The following TRDN variants were observed in gnomAD, a reference collection of about 807,000 sequenced individuals.
The protein encoded by TRDN is triadin in skeletal muscle.
Under a neutral mutation model 149.7 loss-of-function variants are expected in TRDN, and 161 were observed. The ratio of observed to expected loss-of-function variants is 1.08; its 90% CI spans 0.95 to 1.23. The LOEUF is 1.23. TRDN is among the 50% of genes most tolerant of loss of function. The probability of loss-of-function intolerance (pLI) is 0.00; values close to 1 mark genes in which losing one functional copy is unlikely to be tolerated. For missense variants in TRDN, 896 were observed against 823.5 expected (o/e 1.09, Z -1.08); for synonymous variants, 294 against 250.5 (o/e 1.17, Z -1.64).
chr6:123,623,064 G>A (rs895880368), intron 1 of TRDN, among the ~76,000 whole-genome samples: 1 of 152,024 alleles, frequency 6.6e-6, no homozygotes, highest in Admixed American at 6.6e-5. Context: ...TTAGCTCAAG[G>A]ACACAGAAAA....
At chr6:123,587,189 C>T (rs1349172150) in intron 1 of TRDN, among the ~76,000 whole-genome samples, 4 of 152,120 alleles carry the variant, frequency 2.6e-5, no homozygotes, top group African/African-American at 7.2e-5. Context: ...CCAAGGCAGG[C>T]GTCCCTGCGT....
intron 21 of TRDN, among the ~76,000 whole-genome samples, chr6:123,347,227 A>T (rs533067912): frequency 2.0e-5 from 3 of 152,106 alleles, no homozygotes; most frequent in African/African-American, 7.2e-5. Context: ...AAATTTTGCT[A>T]AGAGAATATA....
chr6:123,561,817 C>A (rs1187038831), intron 2 of TRDN, among the ~76,000 whole-genome samples: 1 of 152,122 alleles, frequency 6.6e-6, no homozygotes, highest in Non-Finnish European at 1.5e-5. Flanking sequence ...GCCCCAATCC[C>A]TCTCGAAGCA....
At chr6:123,624,781 A>G (rs1158122977) in intron 1 of TRDN, among the ~76,000 whole-genome samples, 1 of 152,154 alleles carries the variant, frequency 6.6e-6, no homozygotes, top group Non-Finnish European at 1.5e-5. Context: ...CATACAAAGT[A>G]AGCTCAAAGT....
intron 4 of TRDN, among the ~76,000 whole-genome samples, chr6:123,540,439 TA>T (rs796782471): frequency 3.3e-4 from 48 of 145,762 alleles, no homozygotes; most frequent in Admixed American, 1.3e-3. Flanking sequence ...ATAACATGAT[TA>T]AAAAAAAAAA....
intron 38 of TRDN, among the ~76,000 whole-genome samples, chr6:123,231,007 A>C (rs2114521427): frequency 6.6e-6 from 1 of 152,158 alleles, no homozygotes; most frequent in South Asian, 2.1e-4. Flanking sequence ...TGATTTTACA[A>C]GAGAACTTTG....
chr6:123,484,924 A>G (rs1777912398), intron 9 of TRDN, among the ~76,000 whole-genome samples: 1 of 152,236 alleles, frequency 6.6e-6, no homozygotes, highest in Admixed American at 6.5e-5. Context: ...TCACAATGAA[A>G]CTGACTGAGA....
chr6:123,288,299 C>T (rs914615951), intron 24 of TRDN, among the ~76,000 whole-genome samples: 6 of 151,978 alleles, frequency 3.9e-5, no homozygotes, highest in Non-Finnish European at 8.8e-5. Context: ...TAAAAGAAAA[C>T]ACCGGAAGAA....
chr6:123,590,717 G>C (rs917579367), intron 1 of TRDN, among the ~76,000 whole-genome samples: 1 of 152,052 alleles, frequency 6.6e-6, no homozygotes, highest in African/African-American at 2.4e-5. Flanking sequence ...AGCCAAGACC[G>C]TGCCCATTCT....
intron 1 of TRDN, among the ~76,000 whole-genome samples, chr6:123,577,744 T>G (rs530870218): frequency 5.2e-4 from 79 of 152,328 alleles, no homozygotes; most frequent in African/African-American, 1.9e-3. Flanking sequence ...TGAACAAATT[T>G]ATACTTCCAC....
chr6:123,383,952 C>G (rs1442052233), intron 14 of TRDN, among the ~76,000 whole-genome samples: 2 of 152,104 alleles, frequency 1.3e-5, no homozygotes, highest in Non-Finnish European at 2.9e-5. Context: ...GTCCAGCACA[C>G]TACAATGAAA....
At chr6:123,414,916 T>C (rs1050586608) in intron 12 of TRDN, among the ~76,000 whole-genome samples, 3 of 152,124 alleles carry the variant, frequency 2.0e-5, no homozygotes, top group African/African-American at 7.2e-5. Context: ...CTTTAACATA[T>C]CAAATTTTAT....
At chr6:123,583,036 A>G (rs559332484) in intron 1 of TRDN, among the ~76,000 whole-genome samples, 4 of 152,280 alleles carry the variant, frequency 2.6e-5, no homozygotes, top group African/African-American at 9.6e-5. Context: ...AGAAGGAGAA[A>G]AACAGGTATA....
chr6:123,587,817 G>A (rs928118328), intron 1 of TRDN, among the ~76,000 whole-genome samples: 2 of 151,598 alleles, frequency 1.3e-5, no homozygotes, highest in African/African-American at 4.9e-5. Flanking sequence ...ACTCAGTGGG[G>A]GAGCTTTTGA....
At chr6:123,585,102 G>A (rs1433117714) in intron 1 of TRDN, among the ~76,000 whole-genome samples, 12 of 151,020 alleles carry the variant, frequency 7.9e-5, no homozygotes, top group East Asian at 2.0e-4. Flanking sequence ...ATGATCGGTT[G>A]CCAAGGAGGG....
intron 9 of TRDN, among the ~76,000 whole-genome samples, chr6:123,496,809 A>C (rs2114811823): frequency 6.6e-6 from 1 of 152,218 alleles, no homozygotes; most frequent in Non-Finnish European, 1.5e-5. Flanking sequence ...TGATGATTTT[A>C]ATATGAATTG....
intron 1 of TRDN, among the ~76,000 whole-genome samples, chr6:123,604,593 A>G (rs1195615302): frequency 6.6e-6 from 1 of 152,154 alleles, no homozygotes; most frequent in Non-Finnish European, 1.5e-5. Flanking sequence ...GCTAAATTAG[A>G]AGATTTTGCA....
intron 20 of TRDN, among the ~76,000 whole-genome samples, chr6:123,355,264 T>C (rs1428415599): frequency 5.3e-5 from 8 of 151,540 alleles, no homozygotes; most frequent in African/African-American, 1.9e-4. Flanking sequence ...TTAACAGGAG[T>C]TTCAATGATA....
intron 1 of TRDN, among the ~76,000 whole-genome samples, chr6:123,623,472 T>C (rs1263271641): frequency 6.6e-6 from 1 of 152,072 alleles, no homozygotes; most frequent in African/African-American, 2.4e-5. Flanking sequence ...GTCAAAATTA[T>C]GGTGAGAGGT....
Sources: gnomAD v4.1 joint callset for allele counts (sites outside exome capture counted in the v4.1 genomes callset) on GRCh38, gnomAD v4.1.1 for gene constraint, MANE v1.5 for transcripts, NCBI Gene and HGNC (gene_info 2026-07-23, HGNC 2026-07-21) for gene names.